Variants in RPH3AL observed in about 807,000 individuals in gnomAD.
RPH3AL encodes rab effector Noc2.
RPH3AL carries 38 observed loss-of-function variants against 43.1 expected under a neutral mutation model. The observed-to-expected ratio is 0.88, with a 90% CI of 0.68 to 1.15. The LOEUF (loss-of-function observed/expected upper bound fraction) is 1.15. RPH3AL is among the 50% of genes most tolerant of loss of function. RPH3AL has a pLI of 0.00. For synonymous variants in RPH3AL, 189 were observed against 176.3 expected, an observed-to-expected ratio of 1.07 and a Z score of -0.57; for missense variants, 462 against 423.2, an observed-to-expected ratio of 1.09 and a Z score of -0.81.
chr17:236,075 C>T (rs1167383513), intron 7 of RPH3AL, among the ~76,000 whole-genome samples: 3 of 150,630 alleles, frequency 2.0e-5, no homozygotes. Context: ...TGGGGTCGGC[C>T]ACATGGCTTC....
At chr17:258,763 T>G (rs1164400814) in intron 6 of RPH3AL, among the ~76,000 whole-genome samples, 2 of 149,028 alleles carry the variant, frequency 1.3e-5, no homozygotes, top group African/African-American at 5.0e-5. Context: ...ACCCGTTTTT[T>G]TTTTTTTTTT....
intron 7 of RPH3AL, among the ~76,000 whole-genome samples, chr17:229,708 G>C (rs2041184544): frequency 6.6e-6 from 1 of 152,218 alleles, no homozygotes; most frequent in South Asian, 2.1e-4. Context: ...AGTGGGTCCT[G>C]GGGGAGAGTG....
chr17:276,840 C>T lies in RPH3AL; in HGVS notation c.438+4928G>A, dbSNP rs144629003. Among the ~76,000 whole-genome samples the T allele has an allele frequency of 3.2e-3, 487 of 152,232 alleles. 1 individual carries two copies. Among genetic ancestry groups the T allele is most frequent in the African/African-American group, 0.011 (468 of 41,536 alleles). ...CTCTTTTCTTAATGTGGCTGGTGGACAACAGGGGTAGAATCCACAGAATTT... is the reference window on the plus strand; with the variant it reads ...CTCTTTTCTTAATGTGGCTGGTGGATAACAGGGGTAGAATCCACAGAATTT... On this transcript the variant is annotated intron_variant, in intron 6 of 9. Transcript: ENST00000331302.
intron 5 of RPH3AL, among the ~76,000 whole-genome samples, chr17:314,710 T>TA (rs2043839760): frequency 2.4e-5 from 3 of 127,038 alleles, no homozygotes; most frequent in Admixed American, 8.1e-5. Context: ...GTAGTCTCTG[T>TA]GCTCCACCTC....
At chr17:335,909 G>A (rs542168967) in intron 1 of RPH3AL, 8 of 152,278 alleles carry the variant, frequency 5.3e-5, no homozygotes, top group South Asian at 4.1e-4. Flanking sequence ...TCCAGCCTCC[G>A]TAGGAAAGCA....
At chr17:315,480 C>A (rs1567510370) in intron 5 of RPH3AL, among the ~76,000 whole-genome samples, 1 of 148,444 alleles carries the variant, frequency 6.7e-6, no homozygotes, top group Non-Finnish European at 1.5e-5. Flanking sequence ...GCTCCCACCT[C>A]CATTGACCTG....
intron 8 of RPH3AL, among the ~76,000 whole-genome samples, chr17:218,724 A>T (rs954230475): frequency 3.3e-5 from 5 of 152,154 alleles, no homozygotes; most frequent in African/African-American, 1.2e-4. Context: ...TCTTTCATAC[A>T]GCAGTTTCCC....
intron 6 of RPH3AL, among the ~76,000 whole-genome samples, chr17:269,306 C>T (rs188061845): frequency 6.6e-6 from 1 of 152,302 alleles, no homozygotes; most frequent in East Asian, 1.9e-4. Flanking sequence ...GCCTGACCTA[C>T]TTATTCTTTT....
intron 5 of RPH3AL, among the ~76,000 whole-genome samples, chr17:297,093 T>C (rs541021006): frequency 3.1e-4 from 47 of 151,554 alleles, no homozygotes; most frequent in Admixed American, 5.9e-4. Context: ...CAAGCCAACA[T>C]GATGAAGACT....
intron 7 of RPH3AL, among the ~76,000 whole-genome samples, chr17:235,235 C>G (rs113839688): frequency 2.4e-4 from 29 of 123,220 alleles, no homozygotes; most frequent in Non-Finnish European, 3.2e-4. Context: ...AGGCTCCGCA[C>G]TAACAAGACG....
chr17:323,125 C>T lies in RPH3AL; in HGVS notation c.78-1710G>A, dbSNP rs1024562782. ...TGGCTTTACCATGTGTGAGCTTTTG[C>T]AGGATGAACAGGTGCTTCCCCATGG... is the stretch of plus-strand genomic sequence containing the variant. On this transcript the variant is annotated intron_variant, in intron 3 of 9. Coordinates refer to ENST00000331302, the MANE Select transcript of RPH3AL (RefSeq NM_006987.4). The surrounding 1 kb of genome is among the most constrained non-coding windows in gnomAD (Gnocchi z 4.4). Among the ~76,000 whole-genome samples the T allele has an allele frequency of 2.1e-4, 32 of 152,140 alleles. No individual in the cohort carries two copies. Among genetic ancestry groups the T allele is most frequent in the Admixed American group, 9.2e-4 (14 of 15,276 alleles).
chr17:251,767 C>T (rs1288132554), intron 6 of RPH3AL, among the ~76,000 whole-genome samples: 1 of 152,234 alleles, frequency 6.6e-6, no homozygotes, highest in Admixed American at 6.5e-5. Context: ...GCCAAGGGCT[C>T]GCTACGCCTC....
chr17:315,501 G>GCCCC (rs2043979339), intron 5 of RPH3AL, among the ~76,000 whole-genome samples: 5 of 120,102 alleles, frequency 4.2e-5, no homozygotes, highest in African/African-American at 1.1e-4. Context: ...TAGTCCCTGT[G>GCCCC]ACTCCACCTC....
rs140588598 is a variant in RPH3AL, at chr17:225,113, T to TG, written c.614-5378dup. Among the ~76,000 whole-genome samples the TG allele has an allele frequency of 0.038, 4,535 of 119,632 alleles. 242 individuals carry two copies. Among genetic ancestry groups the TG allele is most frequent in the African/African-American group, 0.12 (4,331 of 37,278 alleles). The allele number at this position is 119,632 out of a possible 152,430, so 78.5% of individuals were successfully genotyped here. On this transcript the variant is annotated intron_variant, in intron 7 of 9. Transcript: ENST00000331302. This position sits in a 1 kb window ranked among gnomAD's most constrained non-coding sequence, Gnocchi z 4.4. ...ATGTACCCTAGAACTTAAAATATAA[T>TG]GGAAAAAAAAAAAAAAAGAGTGATG...
rs1555528589 is a variant in RPH3AL at position 334,411 on chromosome 17, G to GGGACAGGGACAA, written c.-212-489_-212-478dup. On this transcript the variant is annotated intron_variant, in intron 1 of 9. Coordinates refer to ENST00000331302, the MANE Select transcript of RPH3AL (RefSeq NM_006987.4). ...GAGTCTCTAGCCCGTCCACTGCGGGGGGACAGGGACAAGGCAACCACCCCA... is the reference window on the plus strand; with the variant it reads ...GAGTCTCTAGCCCGTCCACTGCGGGGGGACAGGGACAAGGACAGGGACAAGGCAACCACCCCA... 1.3e-5 allele frequency among the ~76,000 whole-genome samples: 2 copies of GGGACAGGGACAA among 152,120 alleles called. 1 individual carries two copies. The highest frequency in any genetic ancestry group is 4.8e-5 in the African/African-American group (2 of 41,406).
At chr17:282,953 T>TAA (rs1467642879) in intron 5 of RPH3AL, among the ~76,000 whole-genome samples, 1 of 152,226 alleles carries the variant, frequency 6.6e-6, no homozygotes, top group Non-Finnish European at 1.5e-5. Flanking sequence ...GGACAGTTCT[T>TAA]ACGTTGCTTC....
rs1487227408 is a variant in RPH3AL at position 348,534 on chromosome 17, A to AG, written c.-213+4177dup. Among the ~76,000 whole-genome samples, 53 of 94,340 alleles carry AG rather than the reference A, an allele frequency of 5.6e-4. 1 individual carries two copies. The highest frequency in any genetic ancestry group is 2.4e-3 in the African/African-American group (51 of 21,510). The allele number at this position is 94,340 out of a possible 152,430, so 61.9% of individuals were successfully genotyped here. Reference sequence around the variant, plus strand: ...TTTTCTGTAAACCTAACACTGTTCAAGAAAAAAAAAAAAAAGTAAAGTGCT... The same window carrying AG: ...TTTTCTGTAAACCTAACACTGTTCAAGGAAAAAAAAAAAAAAGTAAAGTGCT... On this transcript the variant is annotated intron_variant, in intron 1 of 9. Coordinates refer to ENST00000331302, the MANE Select transcript of RPH3AL (RefSeq NM_006987.4).
intron 6 of RPH3AL, among the ~76,000 whole-genome samples, chr17:278,483 C>T (rs375553144): frequency 1.3e-5 from 2 of 152,288 alleles, no homozygotes; most frequent in South Asian, 2.1e-4. Flanking sequence ...ATCTACCAAG[C>T]ACACACATCT....
rs2043428852 is a variant in RPH3AL, at chr17:304,930, C to CGG, written c.351+14489_351+14490insCC. On this transcript the variant is annotated intron_variant, in intron 5 of 9. Transcript: ENST00000331302. ...GCCAGAGTGCAAGAGAGGCACAGGG[C>CGG]GAGAGGGGGACAGGGCGAGAGGGGG... is the stretch of plus-strand genomic sequence containing the variant. Among the ~76,000 whole-genome samples, 5 of 95,962 alleles carry CGG rather than the reference C, an allele frequency of 5.2e-5. 2 individuals are homozygous for CGG. Among genetic ancestry groups the CGG allele is most frequent in the Admixed American group, 2.4e-4 (2 of 8,440 alleles). 63.0% of individuals were successfully genotyped at this position (95,962 alleles called of 152,430 possible). A position where few individuals can be genotyped will look rare whatever the true frequency, so the allele number is the denominator to read the frequency against.
Sources: allele counts gnomAD v4.1 joint callset (sites outside exome capture counted in the v4.1 genomes callset), GRCh38; gene constraint gnomAD v4.1.1; non-coding constraint Gnocchi (gnomAD v3.1); transcripts MANE v1.5; gene names NCBI Gene and HGNC (gene_info 2026-07-23, HGNC 2026-07-21).